The following LRRC34 variants were observed in gnomAD, a reference collection of about 807,000 sequenced individuals.
LRRC34 encodes leucine-rich repeat-containing protein 34.
A neutral mutation model predicts 48.5 loss-of-function variants in LRRC34; 44 were observed. The ratio of observed to expected loss-of-function variants is 0.91; its 90% confidence interval spans 0.71 to 1.17. LRRC34 has a LOEUF of 1.17. LRRC34 is among the 50% of genes most tolerant of loss of function. The pLI, the probability that LRRC34 is intolerant of heterozygous loss-of-function variation, is 0.00. For synonymous variants in LRRC34, 192 were observed against 197.6 expected (o/e 0.97, Z 0.24); for missense variants, 502 against 563.0 (o/e 0.89, Z 1.10).
In LRRC34 at chr3:169,812,240, G is replaced by A. The variant is rs1402879792; in HGVS notation, c.139+170C>T. Reference sequence around the variant, plus strand: ...GACCGGGGACTCTTCTCCTGCCCTCGTTTCTGGGCGCCCCAAACCTCTGGC... The same window carrying A: ...GACCGGGGACTCTTCTCCTGCCCTCATTTCTGGGCGCCCCAAACCTCTGGC... On this transcript the variant is annotated intron_variant, in intron 1 of 10. Transcript: ENST00000446859. This position sits in a 1 kb window ranked among gnomAD's most constrained non-coding sequence, Gnocchi z 4.3. Among the ~76,000 whole-genome samples, 2 of 151,990 alleles carry A rather than the reference G, an allele frequency of 1.3e-5. No individual in the cohort carries two copies. Among genetic ancestry groups the A allele is most frequent in the East Asian group, 3.9e-4 (2 of 5,146 alleles).
At position 169,808,756 on chromosome 3, in the gene LRRC34, T is replaced by A; in HGVS notation, c.140-11A>T. On this transcript the variant is annotated splice_polypyrimidine_tract_variant and intron_variant, in intron 1 of 10. Coordinates refer to ENST00000446859, the MANE Select transcript of LRRC34 (RefSeq NM_001172779.2). Reference sequence around the variant, plus strand: ...CAGATTCTGGAGATTCTGAAAAATATATGCATCCTCTATCACATATAAATT... The same window carrying A: ...CAGATTCTGGAGATTCTGAAAAATAAATGCATCCTCTATCACATATAAATT... 11 of 1,336,438 alleles carry A rather than the reference T, an allele frequency of 8.2e-6. No homozygotes were observed. Among genetic ancestry groups the A allele is most frequent in the Non-Finnish European group, 1.2e-5 (11 of 939,348 alleles). 82.8% of individuals were successfully genotyped at this position (1,336,438 alleles called of 1,614,324 possible).
intron 9 of LRRC34, 66 bp downstream of exon 9, chr3:169,796,148 G>A (rs1433931812): frequency 2.0e-6 from 3 of 1,519,254 alleles, no homozygotes; most frequent in East Asian, 4.8e-5. Flanking sequence ...AGAGTTAAGG[G>A]GATTGAGGTT....
At chr3:169,805,146 G>T (rs1779328922) in intron 5 of LRRC34, among the ~76,000 whole-genome samples, 1 of 152,148 alleles carries the variant, frequency 6.6e-6, no homozygotes, top group Non-Finnish European at 1.5e-5. Flanking sequence ...TGTACTGGAG[G>T]TTCTAGCCAG....
At chr3:169,802,463 C>A (rs549768943) in intron 6 of LRRC34, among the ~76,000 whole-genome samples, 1 of 152,242 alleles carries the variant, frequency 6.6e-6, no homozygotes, top group South Asian at 2.1e-4. Flanking sequence ...ATTACTTCTC[C>A]CCATTATCAG....
At position 169,793,075 on chromosome 3, in the gene LRRC34, A is replaced by G. The variant is rs1244063766; in HGVS notation, c.*560T>C. 6.6e-6 allele frequency among the ~76,000 whole-genome samples: 1 copy of G among 152,218 alleles called. No individual in the cohort carries two copies. Among genetic ancestry groups the G allele is most frequent in the Non-Finnish European group, 1.5e-5 (1 of 68,044 alleles). On this transcript the variant is annotated 3_prime_UTR_variant, in exon 11 of 11. Transcript: ENST00000446859. ...AAACTACTCTGTGGGGTTAGAAGTC[A>G]GGATAGTGGTTATGAGAGGAGAGTG... is the stretch of plus-strand genomic sequence containing the variant.
intron 5 of LRRC34, among the ~76,000 whole-genome samples, chr3:169,805,319 A>T (rs1779333345): frequency 6.6e-6 from 1 of 152,250 alleles, no homozygotes; most frequent in South Asian, 2.1e-4. Flanking sequence ...ACACAAGATC[A>T]ATATACAAAA....
chr3:169,801,242 ACCATGTACAC>A (rs1779177590), intron 6 of LRRC34, among the ~76,000 whole-genome samples: 1 of 152,150 alleles, frequency 6.6e-6, no homozygotes, highest in Admixed American at 6.5e-5. Flanking sequence ...GATGGACACC[ACCATGTACAC>A]CCAGCTGGTA....
rs543684061 is a variant in LRRC34 at position 169,801,851 on chromosome 3, C to T, written c.658-1097G>A. 9.8e-5 allele frequency among the ~76,000 whole-genome samples: 15 copies of T among 152,290 alleles called. No homozygotes were observed. In the South Asian group the frequency reaches 2.3e-3, roughly 23 times the overall value. ...TTTTTGAGATAGGGTCTCACTCTGT[C>T]GCCCAGGCTGGAGTGCAGTGGCACA... On this transcript the variant is annotated intron_variant, in intron 6 of 10. Transcript: ENST00000446859.
rs1778870097 is a variant in LRRC34 at position 169,793,540 on chromosome 3, A to C, written c.*95T>G. 1 of 895,040 alleles carries C rather than the reference A, an allele frequency of 1.1e-6. No individual in the cohort carries two copies. Among genetic ancestry groups the C allele is most frequent in the Non-Finnish European group, 1.7e-6 (1 of 598,412 alleles). 55.4% of individuals were successfully genotyped at this position (895,040 alleles called of 1,614,324 possible). On this transcript the variant is annotated 3_prime_UTR_variant, in exon 11 of 11. Transcript: ENST00000446859. Reference sequence around the variant, plus strand: ...ATCTTTTACACATTTGAAAAAAGTAACTTGTTTTAATTTATAAAAGAAAAT... The same window carrying C: ...ATCTTTTACACATTTGAAAAAAGTACCTTGTTTTAATTTATAAAAGAAAAT...
At chr3:169,808,565 G>C (rs1371709463) in intron 2 of LRRC34, 63 bp downstream of exon 2, 2 of 901,764 alleles carry the variant, frequency 2.2e-6, no homozygotes, top group Non-Finnish European at 1.7e-6. Context: ...AATATGTTAG[G>C]ATTTTCACAC....
rs766219216 is a variant in LRRC34 at position 169,806,810 on chromosome 3, C to T, written c.528+38G>A. ...TCCAAGCTATCAGAAGTTAGAATTTCCAAATACAATGTTAGTTTGAAATAC... is the reference window on the plus strand; with the variant it reads ...TCCAAGCTATCAGAAGTTAGAATTTTCAAATACAATGTTAGTTTGAAATAC... On this transcript the variant is annotated intron_variant, in intron 5 of 10. Transcript: ENST00000446859. 6 of 1,336,904 alleles carry T rather than the reference C, an allele frequency of 4.5e-6. No homozygotes were observed. The Admixed American group carries it at 1.1e-4, about 24-fold the overall frequency. 82.8% of individuals were successfully genotyped at this position (1,336,904 alleles called of 1,614,324 possible).
At chr3:169,807,395 G>A in intron 4 of LRRC34, 31 bp downstream of exon 4, 1 of 1,587,520 alleles carries the variant, frequency 6.3e-7, no homozygotes, top group Non-Finnish European at 8.7e-7. Flanking sequence ...ATTGTAAATG[G>A]AACTAAGGAC....
At chr3:169,803,006 A>G (rs1187643056) in intron 6 of LRRC34, among the ~76,000 whole-genome samples, 1 of 151,950 alleles carries the variant, frequency 6.6e-6, no homozygotes, top group South Asian at 2.1e-4. Context: ...ATCCTTCAGA[A>G]TCTATTATAC....
chr3:169,801,879 C>T (rs944566887), intron 6 of LRRC34, among the ~76,000 whole-genome samples: 2 of 152,188 alleles, frequency 1.3e-5, no homozygotes, highest in African/African-American at 2.4e-5. Flanking sequence ...GTGGCACACT[C>T]GGCTCACTGC....
chr3:169,796,630 C>T, intron 8 of LRRC34, 115 bp downstream of exon 8: 1 of 1,120,262 alleles, frequency 8.9e-7, no homozygotes, highest in Non-Finnish European at 1.2e-6. Context: ...CAATTGGTTG[C>T]AGTTTCTAAT....
Position 169,796,851 on chromosome 3 carries a change from GAC to G in LRRC34, c.800_801del (p.Cys267SerfsTer8), listed in dbSNP as rs1176093386. 6.2e-7 allele frequency: 1 copy of G among 1,607,902 alleles called. No individual in the cohort carries two copies. Among genetic ancestry groups the G allele is most frequent in the East Asian group, 2.2e-5 (1 of 44,496 alleles). On this transcript the variant is annotated frameshift_variant, in exon 8 of 11. Coordinates refer to ENST00000446859, the MANE Select transcript of LRRC34 (RefSeq NM_001172779.2). LOFTEE classifies it high-confidence loss of function. ...HVGRMLKENH[C>X]LVALHMCKHD... is the part of the protein sequence containing the mutation. ...TGCTTACACATGTGTAGTGCAACAA[GAC>G]AGTGATTTTCTTTCAACATGCGGCC... is the stretch of plus-strand genomic sequence containing the variant.
At chr3:169,811,571 C>A (rs573551347) in intron 1 of LRRC34, among the ~76,000 whole-genome samples, 19 of 152,274 alleles carry the variant, frequency 1.2e-4, no homozygotes, top group Admixed American at 1.2e-3. Context: ...AAGAACCTAA[C>A]CCAAATTTCA....
chr3:169,793,535 AAG>A lies in LRRC34; in HGVS notation c.*98_*99del. On this transcript the variant is annotated 3_prime_UTR_variant, in exon 11 of 11. Transcript: ENST00000446859. ...TCATTATCTTTTACACATTTGAAAA[AAG>A]TAACTTGTTTTAATTTATAAAAGAA... 1.1e-6 allele frequency: 1 copy of A among 871,876 alleles called. No individual in the cohort carries two copies. Among genetic ancestry groups the A allele is most frequent in the African/African-American group, 1.7e-5 (1 of 58,618 alleles). 54.0% of individuals were successfully genotyped at this position (871,876 alleles called of 1,614,324 possible).
chr3:169,812,682 C>CACAGAG lies in LRRC34; in HGVS notation c.-135_-134insCTCTGT. ...GCCTCACTGCTAAGGCAGTGACCGC[C>CACAGAG]TACTCTGTGGAGGTCCTTTGTCACC... On this transcript the variant is annotated 5_prime_UTR_variant, in exon 1 of 11. Transcript: ENST00000446859. This position sits in a 1 kb window ranked among gnomAD's most constrained non-coding sequence, Gnocchi z 4.3. 2 of 1,282,492 alleles carry CACAGAG rather than the reference C, an allele frequency of 1.6e-6. No individual in the cohort carries two copies. The highest frequency in any genetic ancestry group is 2.0e-6 in the Non-Finnish European group (2 of 984,768). 79.4% of individuals were successfully genotyped at this position (1,282,492 alleles called of 1,614,324 possible). A position where few individuals can be genotyped will look rare whatever the true frequency, so the allele number is the denominator to read the frequency against.
Sources: allele counts gnomAD v4.1 joint callset (sites outside exome capture counted in the v4.1 genomes callset), GRCh38; gene constraint gnomAD v4.1.1; non-coding constraint Gnocchi (gnomAD v3.1); transcripts MANE v1.5; gene names NCBI Gene and HGNC (gene_info 2026-07-23, HGNC 2026-07-21).